GLIS3: variants seen among roughly 807,000 people sequenced by gnomAD.
The protein encoded by GLIS3 is GLIS family zinc finger 3.
Under a neutral mutation model 78.6 loss-of-function variants are expected in GLIS3, and 53 were observed. The ratio of observed to expected loss-of-function variants is 0.67; its 90% CI spans 0.54 to 0.85. The LOEUF (loss-of-function observed/expected upper bound fraction) is 0.85. GLIS3 is among the 40% of genes least tolerant of loss of function. The pLI is 0.00. For missense variants in GLIS3, 1,703 were observed against 1,231.1 expected, an observed-to-expected ratio of 1.38 and a Z score of -5.74; for synonymous variants, 684 against 509.9, an observed-to-expected ratio of 1.34 and a Z score of -4.60.
chr9:4,237,798 C>T (rs1442958739), intron 2 of GLIS3, among the ~76,000 whole-genome samples: 1 of 152,180 alleles, frequency 6.6e-6, no homozygotes, highest in East Asian at 1.9e-4. Flanking sequence ...TCTTTTCTCT[C>T]TTCCTGTTTT....
At chr9:4,367,303 CCT>C in the GLIS3 span, among the ~76,000 whole-genome samples, 1 of 152,086 alleles carries the variant, frequency 6.6e-6, no homozygotes, top group Non-Finnish European at 1.5e-5. Flanking sequence ...GATTGCTGCC[CCT>C]GTTTGGGATA....
At chr9:4,086,062 C>T (rs1373721654) in intron 4 of GLIS3, among the ~76,000 whole-genome samples, 2 of 152,240 alleles carry the variant, frequency 1.3e-5, no homozygotes, top group Non-Finnish European at 2.9e-5. Context: ...TTTGTCCTTA[C>T]ACGAGTTGTC....
the GLIS3 span, among the ~76,000 whole-genome samples, chr9:4,461,974 T>C: frequency 6.6e-6 from 1 of 152,210 alleles, no homozygotes; most frequent in Non-Finnish European, 1.5e-5. Flanking sequence ...AATATTATAA[T>C]AATTGGTAAA....
At chr9:4,051,318 G>C (rs1410294678) in intron 4 of GLIS3, among the ~76,000 whole-genome samples, 1 of 152,176 alleles carries the variant, frequency 6.6e-6, no homozygotes, top group Non-Finnish European at 1.5e-5. Context: ...GCAGGGGCGG[G>C]GATAGGGGGT....
chr9:4,178,767 T>A (rs1260223997), intron 2 of GLIS3, among the ~76,000 whole-genome samples: 1 of 152,220 alleles, frequency 6.6e-6, no homozygotes, highest in Non-Finnish European at 1.5e-5. Context: ...CTGAAGACAT[T>A]TTTCAGTTAC....
At chr9:4,243,119 C>A (rs537539074) in intron 2 of GLIS3, among the ~76,000 whole-genome samples, 1 of 152,196 alleles carries the variant, frequency 6.6e-6, no homozygotes, top group Non-Finnish European at 1.5e-5. Flanking sequence ...CACCAAGAAT[C>A]CTCTCTTGAG....
At chr9:4,051,937 C>G (rs777250187) in intron 4 of GLIS3, among the ~76,000 whole-genome samples, 2 of 152,194 alleles carry the variant, frequency 1.3e-5, no homozygotes, top group Non-Finnish European at 2.9e-5. Flanking sequence ...GTCTATGTAT[C>G]ATGCGTATAT....
intron 2 of GLIS3, among the ~76,000 whole-genome samples, chr9:4,197,921 G>A (rs12000711): frequency 0.034 from 5,053 of 150,746 alleles, 310 homozygotes; most frequent in African/African-American, 0.12. Context: ...TAGGAAGGGA[G>A]GGGAAAGGGA....
At chr9:4,409,356 G>A in the GLIS3 span, among the ~76,000 whole-genome samples, 1 of 152,270 alleles carries the variant, frequency 6.6e-6, no homozygotes, top group South Asian at 2.1e-4. Flanking sequence ...TGGGACGTCA[G>A]AATAATGTTC....
intron 4 of GLIS3, among the ~76,000 whole-genome samples, chr9:3,945,297 G>A (rs963527486): frequency 5.9e-5 from 9 of 152,172 alleles, no homozygotes; most frequent in Middle Eastern, 3.4e-3. Context: ...GAAATATAAA[G>A]CGTACAAATA....
At chr9:3,853,525 G>C (rs886413987) in intron 9 of GLIS3, among the ~76,000 whole-genome samples, 4 of 152,128 alleles carry the variant, frequency 2.6e-5, no homozygotes, top group African/African-American at 4.8e-5. Context: ...GGAATAGAAG[G>C]AAAAGCATTA....
chr9:4,153,332 G>C (rs1283473594), intron 2 of GLIS3, among the ~76,000 whole-genome samples: 1 of 152,212 alleles, frequency 6.6e-6, no homozygotes, highest in Non-Finnish European at 1.5e-5. Context: ...GGGAGGCTGA[G>C]GCGGGCAGAT....
chr9:3,853,567 C>T (rs1819574161), intron 9 of GLIS3, among the ~76,000 whole-genome samples: 1 of 152,182 alleles, frequency 6.6e-6, no homozygotes, highest in Non-Finnish European at 1.5e-5. Flanking sequence ...GTGCCAGGTG[C>T]TTTTTTTGTC....
At chr9:3,919,232 G>A (rs1824713373) in intron 6 of GLIS3, among the ~76,000 whole-genome samples, 1 of 152,220 alleles carries the variant, frequency 6.6e-6, no homozygotes, top group Admixed American at 6.5e-5. Flanking sequence ...AATTTTCAGT[G>A]TTGGGAAATC....
the GLIS3 span, among the ~76,000 whole-genome samples, chr9:4,356,753 T>G: frequency 1.3e-5 from 2 of 152,200 alleles, no homozygotes; most frequent in Non-Finnish European, 2.9e-5. Flanking sequence ...AATTTGGAAT[T>G]TGCTGATGAA....
intron 2 of GLIS3, among the ~76,000 whole-genome samples, chr9:4,203,683 A>C (rs1450304422): frequency 6.6e-6 from 1 of 152,238 alleles, no homozygotes; most frequent in Admixed American, 6.5e-5. Flanking sequence ...TATTCACAAT[A>C]GCAAAGACAT....
At chr9:4,486,086 T>A in the GLIS3 span, among the ~76,000 whole-genome samples, 865 of 152,364 alleles carry the variant, frequency 5.7e-3, 2 homozygotes, top group Non-Finnish European at 9.5e-3. Context: ...TTGAAATTTT[T>A]AAAATCTTTT....
chr9:4,158,326 G>A (rs944137573), intron 2 of GLIS3, among the ~76,000 whole-genome samples: 1 of 152,144 alleles, frequency 6.6e-6, no homozygotes, highest in African/African-American at 2.4e-5. Context: ...CCTGATACAT[G>A]TGTCCAAAGA....
At chr9:4,127,300 T>G (rs1832646556) in intron 2 of GLIS3, among the ~76,000 whole-genome samples, 1 of 152,212 alleles carries the variant, frequency 6.6e-6, no homozygotes, top group African/African-American at 2.4e-5. Context: ...ACCTGTGTGC[T>G]TAAATTTAGG....
Sources: gnomAD v4.1 joint callset for allele counts (sites outside exome capture counted in the v4.1 genomes callset) on GRCh38, gnomAD v4.1.1 for gene constraint, MANE v1.5 for transcripts, NCBI Gene and HGNC (gene_info 2026-07-23, HGNC 2026-07-21) for gene names.